Variants in TUSC3 observed in about 807,000 individuals in gnomAD.
The protein encoded by TUSC3 is dolichyl-diphosphooligosaccharide--protein glycosyltransferase subunit TUSC3.
A neutral mutation model predicts 44.8 loss-of-function variants in TUSC3; 45 were observed. The ratio of observed to expected loss-of-function variants is 1.00; its 90% CI spans 0.79 to 1.29. The LOEUF is 1.29. Ranked by LOEUF, TUSC3 falls within the 50% of genes most tolerant of loss-of-function variation. TUSC3 has a pLI of 0.00. For missense variants in TUSC3, 519 were observed against 437.9 expected (o/e 1.19, Z -1.65); for synonymous variants, 212 against 152.9 (o/e 1.39, Z -2.85).
chr8:15,593,865 T>C (rs1022124425), intron 1 of TUSC3, among the ~76,000 whole-genome samples: 1 of 152,156 alleles, frequency 6.6e-6, no homozygotes, highest in Non-Finnish European at 1.5e-5. Context: ...ATCTCCTTTT[T>C]TTCTTCTTCA....
intron 6 of TUSC3, among the ~76,000 whole-genome samples, chr8:15,684,020 A>C (rs1808523338): frequency 6.6e-6 from 1 of 151,530 alleles, no homozygotes; most frequent in Admixed American, 6.6e-5. Flanking sequence ...ACCAGCTGAC[A>C]CTTAAGAGAT....
intron 1 of TUSC3, among the ~76,000 whole-genome samples, chr8:15,429,230 C>A (rs2129116573): frequency 6.6e-6 from 1 of 152,268 alleles, no homozygotes; most frequent in Admixed American, 6.5e-5. Flanking sequence ...ATAGGGAATC[C>A]TTTCCCCATT....
In TUSC3 at chr8:15,632,998, A is replaced by G. The variant is rs375028655; in HGVS notation, c.308+9749A>G. On this transcript the variant is annotated intron_variant, in intron 2 of 10. Coordinates refer to ENST00000503731, the MANE Select transcript of TUSC3 (RefSeq NM_006765.4). ...CCTCTTCGTAGGAAATGATATTTAG[A>G]AAGCAAAAACTTAGCTAGGTGTACG... Among the ~76,000 whole-genome samples, 386 of 152,298 alleles carry G rather than the reference A, an allele frequency of 2.5e-3. 4 individuals carry two copies. Among genetic ancestry groups the G allele is most frequent in the African/African-American group, 8.9e-3 (372 of 41,566 alleles).
chr8:15,680,274 T>C (rs1402753061), intron 6 of TUSC3, among the ~76,000 whole-genome samples: 2 of 152,074 alleles, frequency 1.3e-5, no homozygotes, highest in Non-Finnish European at 2.9e-5. Flanking sequence ...CAGTGTTTTG[T>C]AGTTGTCCTT....
At chr8:15,465,716 A>T (rs1800405581) in intron 1 of TUSC3, among the ~76,000 whole-genome samples, 1 of 152,198 alleles carries the variant, frequency 6.6e-6, no homozygotes, top group Non-Finnish European at 1.5e-5. Flanking sequence ...AATAACCCAT[A>T]GCATTTTGGA....
chr8:15,477,707 T>A (rs557319780), intron 1 of TUSC3, among the ~76,000 whole-genome samples: 1 of 152,166 alleles, frequency 6.6e-6, no homozygotes, highest in South Asian at 2.1e-4. Flanking sequence ...GGCAACAGAG[T>A]GAGACTCTGT....
chr8:15,576,195 C>G (rs1363509333), intron 1 of TUSC3, among the ~76,000 whole-genome samples: 3 of 146,630 alleles, frequency 2.0e-5, no homozygotes, highest in African/African-American at 2.5e-5. Context: ...TATTAGTTCA[C>G]TAGTTGATGA....
At chr8:15,701,952 T>C (rs2129195626) in intron 6 of TUSC3, among the ~76,000 whole-genome samples, 1 of 152,290 alleles carries the variant, frequency 6.6e-6, no homozygotes, top group East Asian at 1.9e-4. Flanking sequence ...TTTCCTTGAA[T>C]AAACTACTAA....
chr8:15,795,572 G>C, the TUSC3 span, among the ~76,000 whole-genome samples: 12 of 152,138 alleles, frequency 7.9e-5, no homozygotes, highest in Admixed American at 6.5e-4. Context: ...ACTTTCTTAT[G>C]ACCACCAGAA....
At chr8:15,639,887 C>A (rs1390280419) in intron 2 of TUSC3, among the ~76,000 whole-genome samples, 1 of 146,154 alleles carries the variant, frequency 6.8e-6, no homozygotes, top group South Asian at 2.3e-4. Flanking sequence ...TTGTCTTTGT[C>A]ACCATAATAC....
At chr8:15,778,120 C>CA in the TUSC3 span, among the ~76,000 whole-genome samples, 65 of 148,648 alleles carry the variant, frequency 4.4e-4, 1 homozygote, top group Middle Eastern at 3.5e-3. Flanking sequence ...AACAAAAAAC[C>CA]AAAAAACAAA....
intron 1 of TUSC3, among the ~76,000 whole-genome samples, chr8:15,433,369 TTAAAA>T (rs1367729268): frequency 1.3e-5 from 2 of 152,186 alleles, no homozygotes; most frequent in Admixed American, 1.3e-4. Flanking sequence ...ATTTTTCTTC[TTAAAA>T]TAATGTTTCA....
intron 1 of TUSC3, among the ~76,000 whole-genome samples, chr8:15,587,310 G>A (rs1320997682): frequency 1.3e-5 from 2 of 151,984 alleles, no homozygotes; most frequent in Non-Finnish European, 2.9e-5. Context: ...GGATTTGTTA[G>A]CATTCCAGAA....
chr8:15,596,220 T>C (rs1247733579), intron 1 of TUSC3, among the ~76,000 whole-genome samples: 1 of 152,220 alleles, frequency 6.6e-6, no homozygotes, highest in Admixed American at 6.5e-5. Flanking sequence ...AATGGTTGTC[T>C]TTTTAAAAGT....
chr8:15,818,735 T>A, the TUSC3 span, among the ~76,000 whole-genome samples: 207 of 152,362 alleles, frequency 1.4e-3, no homozygotes, highest in African/African-American at 4.7e-3. Flanking sequence ...AATGACTTAT[T>A]CTTTTAAGAA....
In TUSC3 at chr8:15,417,541, C is replaced by T. The variant is rs7845422; in HGVS notation, n.91+236C>T. ...AACCACAGATGTCCAGCTAAGAGGT[C>T]ATATGACGGCAAGTCACTGAAGGCT... On this transcript the variant is annotated intron_variant and non_coding_transcript_variant, in intron 1 of 5. Coordinates refer to the TUSC3 transcript ENST00000503191. Among the ~76,000 whole-genome samples the T allele has an allele frequency of 3.7e-3, 560 of 152,254 alleles. 5 individuals carry two copies. The highest frequency in any genetic ancestry group is 0.013 in the African/African-American group (520 of 41,558).
At chr8:15,500,808 G>T (rs1438325146) in intron 2 of TUSC3, among the ~76,000 whole-genome samples, 2 of 152,260 alleles carry the variant, frequency 1.3e-5, no homozygotes, top group East Asian at 3.9e-4. Context: ...TTCTGTTCAT[G>T]AATATTAAGC....
intron 2 of TUSC3, among the ~76,000 whole-genome samples, chr8:15,530,245 C>T (rs1585077642): frequency 6.6e-6 from 1 of 152,114 alleles, no homozygotes; most frequent in East Asian, 1.9e-4. Flanking sequence ...CTAAAGGAAA[C>T]ACACTGAATA....
chr8:15,810,755 T>G, the TUSC3 span, among the ~76,000 whole-genome samples: 1,630 of 152,278 alleles, frequency 0.011, 29 homozygotes, highest in African/African-American at 0.036. Flanking sequence ...CCCTGCAAAG[T>G]TGTCTTTTGT....
Sources: gnomAD v4.1 joint callset for allele counts (sites outside exome capture counted in the v4.1 genomes callset) on GRCh38, gnomAD v4.1.1 for gene constraint, MANE v1.5 for transcripts, NCBI Gene and HGNC (gene_info 2026-07-23, HGNC 2026-07-21) for gene names.